Variants in ZMAT4 observed in about 807,000 individuals in gnomAD.
ZMAT4 encodes zinc finger matrin-type 4.
ZMAT4 carries 17 observed loss-of-function variants against 28.7 expected under a neutral mutation model. The ratio of observed to expected loss-of-function variants is 0.59; its 90% confidence interval spans 0.41 to 0.89. ZMAT4 has a LOEUF of 0.89. ZMAT4 is among the 40% of genes least tolerant of loss of function. The probability of loss-of-function intolerance (pLI) is 0.00; values close to 1 mark genes in which losing one functional copy is unlikely to be tolerated. For missense variants in ZMAT4, 240 were observed against 283.8 expected, an observed-to-expected ratio of 0.85 and a Z score of 1.11; for synonymous variants, 117 against 109.2, an observed-to-expected ratio of 1.07 and a Z score of -0.44.
intron 5 of ZMAT4, among the ~76,000 whole-genome samples, chr8:40,662,610 T>C (rs1308373384): frequency 6.6e-6 from 1 of 152,142 alleles, no homozygotes; most frequent in East Asian, 1.9e-4. Context: ...TTAATAACAA[T>C]AACAGGCAAA....
intron 6 of ZMAT4, among the ~76,000 whole-genome samples, chr8:40,550,828 T>C (rs1470296049): frequency 2.6e-5 from 4 of 152,188 alleles, no homozygotes. Flanking sequence ...GTTTCAAGTA[T>C]TTCTTCACAG....
rs115176441 is a variant in ZMAT4, at chr8:40,621,872, G to A, written c.578-40611C>T. Reference sequence around the variant, plus strand: ...TTCAAGGCAAGTTAAATCACATTTAGAAAAAGCTTACCCACCTATGGTTTT... The same window carrying A: ...TTCAAGGCAAGTTAAATCACATTTAAAAAAAGCTTACCCACCTATGGTTTT... On this transcript the variant is annotated intron_variant, in intron 5 of 6. Coordinates refer to ENST00000297737, the MANE Select transcript of ZMAT4 (RefSeq NM_024645.3). 5.0e-3 allele frequency among the ~76,000 whole-genome samples: 767 copies of A among 152,238 alleles called. 5 individuals are homozygous for A. The highest frequency in any genetic ancestry group is 0.018 in the African/African-American group (736 of 41,544).
chr8:40,620,315 T>TTG, intron 5 of ZMAT4, among the ~76,000 whole-genome samples: 1 of 152,310 alleles, frequency 6.6e-6, no homozygotes, highest in East Asian at 1.9e-4. Flanking sequence ...GGAGCAAAGG[T>TTG]TGATGTGGGA....
At chr8:40,587,012 T>G (rs183022702) in intron 5 of ZMAT4, among the ~76,000 whole-genome samples, 2 of 149,008 alleles carry the variant, frequency 1.3e-5, no homozygotes, top group Admixed American at 6.7e-5. Context: ...GCCTGAGACG[T>G]GAAGAGGAGG....
At chr8:40,631,939 T>C (rs1030728031) in intron 5 of ZMAT4, among the ~76,000 whole-genome samples, 6 of 152,204 alleles carry the variant, frequency 3.9e-5, no homozygotes, top group Non-Finnish European at 8.8e-5. Flanking sequence ...CAAGTCAATA[T>C]TGCCCTGCAG....
rs559636677 is a variant in ZMAT4, at chr8:40,674,878, C to T, written c.403G>A (p.Ala135Thr). 8 of 1,613,208 alleles carry T rather than the reference C, an allele frequency of 5.0e-6. No individual in the cohort carries two copies. Among genetic ancestry groups the T allele is most frequent in the African/African-American group, 2.7e-5 (2 of 74,860 alleles). The change falls in exon 5 of 7, where the codon GCA becomes ACA. Residue 135 changes from alanine (A) to threonine (T), a missense_variant. Ala to Thr is a moderately conservative substitution (Grantham distance 58, BLOSUM62 0). Transcript: ENST00000297737. The part of the protein sequence containing the change: ...PPRMDTAPVV[A>T]SPYQRRDSDR... ...GAATCTCTTCTTTGATAGGGAGATG[C>T]GACCACCGGAGCAGTGTCCATCCGT...
intron 3 of ZMAT4, among the ~76,000 whole-genome samples, chr8:40,740,981 T>C: frequency 7.3e-6 from 1 of 136,836 alleles, no homozygotes; most frequent in African/African-American, 2.8e-5. Flanking sequence ...GCACTAACCT[T>C]TGATAAATGC....
At chr8:40,771,173 C>T (rs113269222) in intron 2 of ZMAT4, among the ~76,000 whole-genome samples, 1,641 of 151,412 alleles carry the variant, frequency 0.011, 22 homozygotes, top group African/African-American at 0.038. Context: ...TACACACACA[C>T]TCACATATAT....
chr8:40,875,541 C>T (rs1392196648), intron 1 of ZMAT4, among the ~76,000 whole-genome samples: 1 of 152,288 alleles, frequency 6.6e-6, no homozygotes, highest in Non-Finnish European at 1.5e-5. Flanking sequence ...TTATTGCCTA[C>T]AGGATTTCCA....
chr8:40,767,832 G>A, intron 2 of ZMAT4, 102 bp from the exon 3 acceptor site: 1 of 909,884 alleles, frequency 1.1e-6, no homozygotes, highest in Non-Finnish European at 1.6e-6. Context: ...TGTATTTTCA[G>A]TAGAAGACAC....
rs903616595 is a variant in ZMAT4, at chr8:40,644,960, C to T, written c.577+29744G>A. Among the ~76,000 whole-genome samples, 7 of 152,046 alleles carry T rather than the reference C, an allele frequency of 4.6e-5. No individual in the cohort carries two copies. The East Asian group carries it at 1.2e-3, about 25-fold the overall frequency. ...ACCAGTGCTTTCAAAACTATTAAAT[C>T]GCCAACAACAAGGAAAGCCTATGAA... is the stretch of plus-strand genomic sequence containing the variant. On this transcript the variant is annotated intron_variant, in intron 5 of 6. Transcript: ENST00000297737.
chr8:40,849,421 A>C (rs895797965), intron 1 of ZMAT4, among the ~76,000 whole-genome samples: 12 of 152,232 alleles, frequency 7.9e-5, no homozygotes, highest in African/African-American at 2.9e-4. Flanking sequence ...CCAGGAAGAA[A>C]GAGTAACTTA....
At chr8:40,703,506 T>C (rs1409131101) in intron 3 of ZMAT4, among the ~76,000 whole-genome samples, 4 of 152,216 alleles carry the variant, frequency 2.6e-5, no homozygotes, top group Admixed American at 6.6e-5. Flanking sequence ...ACTCTGTTTA[T>C]GTGATATTTC....
intron 5 of ZMAT4, among the ~76,000 whole-genome samples, chr8:40,599,650 A>G (rs556445141): frequency 1.5e-3 from 224 of 152,364 alleles, no homozygotes; most frequent in African/African-American, 5.0e-3. Context: ...GTTTAACAAG[A>G]GCTGCGGAAG....
chr8:40,588,632 T>G (rs995749227), intron 5 of ZMAT4, among the ~76,000 whole-genome samples: 1 of 152,178 alleles, frequency 6.6e-6, no homozygotes, highest in Non-Finnish European at 1.5e-5. Flanking sequence ...CAGATGTAAA[T>G]GACCATATGG....
intron 1 of ZMAT4, among the ~76,000 whole-genome samples, chr8:40,888,066 C>T (rs968778706): frequency 2.0e-5 from 3 of 152,138 alleles, no homozygotes; most frequent in Non-Finnish European, 4.4e-5. Flanking sequence ...TCAGCACTAT[C>T]CACTTTTCTC....
At chr8:40,540,080 T>C (rs1311651973) in intron 6 of ZMAT4, among the ~76,000 whole-genome samples, 2 of 152,150 alleles carry the variant, frequency 1.3e-5, no homozygotes, top group South Asian at 2.1e-4. Context: ...CAAAGCTCAG[T>C]TGAGTGAACA....
At chr8:40,735,248 C>T (rs1289878523) in intron 3 of ZMAT4, among the ~76,000 whole-genome samples, 2 of 152,192 alleles carry the variant, frequency 1.3e-5, no homozygotes, top group Non-Finnish European at 2.9e-5. Flanking sequence ...ATTACTTAAG[C>T]ACAGTGCTTA....
chr8:40,579,827 G>A (rs1315200348), intron 6 of ZMAT4, among the ~76,000 whole-genome samples: 1 of 151,998 alleles, frequency 6.6e-6, no homozygotes, highest in African/African-American at 2.4e-5. Context: ...AGCAAAATCA[G>A]ACCATAACCT....
Sources: allele counts gnomAD v4.1 joint callset (sites outside exome capture counted in the v4.1 genomes callset), GRCh38; gene constraint gnomAD v4.1.1; transcripts MANE v1.5; gene names NCBI Gene and HGNC (gene_info 2026-07-23, HGNC 2026-07-21).